Variants in SMOC2 observed in about 807,000 individuals in gnomAD.
SMOC2 encodes the protein SPARC related modular calcium binding 2.
SMOC2 carries 39 observed loss-of-function variants against 61.4 expected under a neutral mutation model. That is an observed-to-expected ratio of 0.64 (90% CI 0.49 to 0.83). The LOEUF is 0.83. Ranked by LOEUF, SMOC2 falls within the 40% of genes least tolerant of loss-of-function variation. The pLI is 0.00. For synonymous variants in SMOC2, 247 were observed against 239.9 expected (o/e 1.03, Z -0.27); for missense variants, 556 against 592.9 (o/e 0.94, Z 0.65).
intron 2 of SMOC2, among the ~76,000 whole-genome samples, chr6:168,515,633 C>T (rs558965112): frequency 1.6e-4 from 24 of 152,398 alleles, no homozygotes; most frequent in African/African-American, 5.5e-4. Context: ...TCCTAGGCCT[C>T]GCCCTGAGGG....
intron 9 of SMOC2, among the ~76,000 whole-genome samples, chr6:168,616,660 G>C (rs1305369452): frequency 6.6e-6 from 1 of 152,192 alleles, no homozygotes; most frequent in Non-Finnish European, 1.5e-5. Flanking sequence ...ACTTTTGAAG[G>C]AAATTGCAGT....
intron 9 of SMOC2, among the ~76,000 whole-genome samples, chr6:168,619,116 GT>G (rs1786180089): frequency 6.6e-6 from 1 of 152,154 alleles, no homozygotes; most frequent in Non-Finnish European, 1.5e-5. Flanking sequence ...ACAGCACATT[GT>G]TGAGTTATTT....
chr6:168,585,027 A>G (rs1401692332), intron 7 of SMOC2, among the ~76,000 whole-genome samples: 1 of 152,136 alleles, frequency 6.6e-6, no homozygotes, highest in Non-Finnish European at 1.5e-5. Context: ...GTGTGATCAC[A>G]GCTCACTGCA....
At chr6:168,615,038 C>T (rs148203319) in intron 9 of SMOC2, among the ~76,000 whole-genome samples, 10 of 61,886 alleles carry the variant, frequency 1.6e-4, no homozygotes, top group East Asian at 1.1e-3. Flanking sequence ...AGGGCCTCTT[C>T]ACATCTACAG....
intron 1 of SMOC2, among the ~76,000 whole-genome samples, chr6:168,444,126 C>T (rs966112852): frequency 2.2e-4 from 33 of 152,180 alleles, no homozygotes; most frequent in African/African-American, 6.5e-4. Flanking sequence ...TTTTCACCTG[C>T]CGCAGATTCT....
chr6:168,520,377 A>G (rs537192035), intron 2 of SMOC2, among the ~76,000 whole-genome samples: 1 of 152,306 alleles, frequency 6.6e-6, no homozygotes, highest in Non-Finnish European at 1.5e-5. Context: ...GGCCACTACA[A>G]AGACACCATA....
intron 7 of SMOC2, among the ~76,000 whole-genome samples, chr6:168,557,014 T>A (rs1784268347): frequency 6.6e-6 from 1 of 152,104 alleles, no homozygotes; most frequent in African/African-American, 2.4e-5. Flanking sequence ...CTTTGCTTTA[T>A]TTAGGGATGA....
At chr6:168,653,349 T>C (rs1327299390) in intron 11 of SMOC2, 121 bp downstream of exon 11, 1 of 1,159,738 alleles carries the variant, frequency 8.6e-7, no homozygotes, top group Non-Finnish European at 1.2e-6. Context: ...AAATCAAATA[T>C]GCTGTTTAAT....
intron 1 of SMOC2, among the ~76,000 whole-genome samples, chr6:168,491,043 C>T (rs986303269): frequency 6.6e-5 from 10 of 151,756 alleles, no homozygotes; most frequent in African/African-American, 1.7e-4. Context: ...AAGGGGGCAG[C>T]GGGGGCGGCT....
At chr6:168,444,261 C>A (rs981319736) in intron 1 of SMOC2, among the ~76,000 whole-genome samples, 8 of 152,162 alleles carry the variant, frequency 5.3e-5, no homozygotes, top group Admixed American at 3.9e-4. Context: ...TTCTTCTCAT[C>A]TAGAAGCAGG....
At chr6:168,469,597 C>G (rs988015486) in intron 1 of SMOC2, among the ~76,000 whole-genome samples, 2 of 152,164 alleles carry the variant, frequency 1.3e-5, no homozygotes, top group Non-Finnish European at 2.9e-5. Context: ...TCGTGCAAAC[C>G]CAGGCTTGTA....
chr6:168,458,710 C>T (rs1336714685), intron 1 of SMOC2, among the ~76,000 whole-genome samples: 2 of 152,170 alleles, frequency 1.3e-5, no homozygotes, highest in African/African-American at 4.8e-5. Flanking sequence ...TCTGTCACGT[C>T]CCCCTGCCCT....
At position 168,514,624 on chromosome 6, in the gene SMOC2, A is replaced by G. The variant is rs117317406; in HGVS notation, c.256+4538A>G. On this transcript the variant is annotated intron_variant, in intron 2 of 12. Transcript: ENST00000356284. ...AAACAATTTAAGAATAAATTTAAATATCAGATGATGTACTCTTCAGAGAAG... is the reference window on the plus strand; with the variant it reads ...AAACAATTTAAGAATAAATTTAAATGTCAGATGATGTACTCTTCAGAGAAG... Among the ~76,000 whole-genome samples, 242 of 152,370 alleles carry G rather than the reference A, an allele frequency of 1.6e-3. 2 individuals are homozygous for G. The highest frequency in any genetic ancestry group is 2.0e-3 in the Non-Finnish European group (137 of 68,034).
chr6:168,505,588 C>T lies in SMOC2; in HGVS notation c.85-4327C>T, dbSNP rs374368236. On this transcript the variant is annotated intron_variant, in intron 1 of 12. Transcript: ENST00000356284. ...AATGGAATGTCCGTCTCTCAGATGC[C>T]GGATGAATGACTGAATGAAATGTCC... is the stretch of plus-strand genomic sequence containing the variant. 1.1e-4 allele frequency among the ~76,000 whole-genome samples: 16 copies of T among 151,778 alleles called. No individual in the cohort carries two copies. In the East Asian group the frequency reaches 1.7e-3, roughly 17 times the overall value.
intron 1 of SMOC2, among the ~76,000 whole-genome samples, chr6:168,465,399 C>G (rs78425718): frequency 6.6e-6 from 1 of 150,910 alleles, no homozygotes; most frequent in Non-Finnish European, 1.5e-5. Flanking sequence ...AGATTTTTCT[C>G]GAATGGTCAA....
chr6:168,607,489 G>A (rs58081119), intron 8 of SMOC2, among the ~76,000 whole-genome samples: 1,870 of 152,246 alleles, frequency 0.012, 38 homozygotes, highest in African/African-American at 0.042. Flanking sequence ...CTCTGCAACC[G>A]CAGCAGCCAG....
intron 7 of SMOC2, among the ~76,000 whole-genome samples, chr6:168,574,833 C>T (rs1445534402): frequency 6.6e-6 from 1 of 152,148 alleles, no homozygotes; most frequent in Admixed American, 6.5e-5. Flanking sequence ...ACAAAAGCAC[C>T]ACTTAGGCAC....
At chr6:168,569,446 T>G (rs1200583491) in intron 7 of SMOC2, among the ~76,000 whole-genome samples, 1 of 152,166 alleles carries the variant, frequency 6.6e-6, no homozygotes, top group East Asian at 1.9e-4. Context: ...TTTGTTCATT[T>G]GTTTGTTTTT....
At chr6:168,530,062 G>C (rs1307899348) in intron 4 of SMOC2, among the ~76,000 whole-genome samples, 1 of 152,106 alleles carries the variant, frequency 6.6e-6, no homozygotes, top group Non-Finnish European at 1.5e-5. Flanking sequence ...TTGCCCTCAA[G>C]TTAATACCGA....
Sources: gnomAD v4.1 joint callset for allele counts (sites outside exome capture counted in the v4.1 genomes callset) on GRCh38, gnomAD v4.1.1 for gene constraint, MANE v1.5 for transcripts, NCBI Gene and HGNC (gene_info 2026-07-23, HGNC 2026-07-21) for gene names.